REV1: variants seen among roughly 807,000 people sequenced by gnomAD.
REV1 encodes translesion synthesis protein REV1.
In REV1, 42 loss-of-function variants were observed where a neutral mutation model predicts 137.4. The observed-to-expected ratio is 0.31, with a 90% confidence interval of 0.24 to 0.40. REV1 has a LOEUF of 0.40. REV1 is among the 10% of genes least tolerant of loss of function. The pLI is 1.00. For synonymous variants in REV1, 524 were observed against 519.2 expected (o/e 1.01, Z -0.12); for missense variants, 1,282 against 1,490.1 (o/e 0.86, Z 2.30).
chr2:99,457,804 T>A lies in REV1; in HGVS notation c.181+4692A>T, dbSNP rs182631425. On this transcript the variant is annotated intron_variant, in intron 3 of 22. Transcript: ENST00000258428. ...CTGATATCAAGGCTTACCACATAGG[T>A]ACAGTATTTGATATAGTGTGGTACT... is the stretch of plus-strand genomic sequence containing the variant. Among the ~76,000 whole-genome samples the A allele has an allele frequency of 3.3e-5, 5 of 151,926 alleles. No homozygotes were observed. The East Asian group carries it at 9.7e-4, about 29-fold the overall frequency.
intron 10 of REV1, 123 bp from the exon 11 acceptor site, chr2:99,421,776 T>G: frequency 9.6e-7 from 1 of 1,046,454 alleles, no homozygotes; most frequent in Non-Finnish European, 1.3e-6. Flanking sequence ...TTTAAATGAA[T>G]TGGCTGAAGT....
Position 99,408,136 on chromosome 2 carries a change from A to G in REV1, c.2346-5T>C. On this transcript the variant is annotated splice_polypyrimidine_tract_variant and splice_region_variant and intron_variant, in intron 14 of 22. Coordinates refer to ENST00000258428, the MANE Select transcript of REV1 (RefSeq NM_016316.4). The stretch of plus-strand genomic sequence containing the variant: ...GCCTGGTCAAGAGTTACAGTCCTGT[A>G]AGTGATAGAATTAAAAAACAAAAGC... 1 of 1,567,832 alleles carries G rather than the reference A, an allele frequency of 6.4e-7. No homozygotes were observed. The highest frequency in any genetic ancestry group is 8.7e-7 in the Non-Finnish European group (1 of 1,145,464).
intron 9 of REV1, among the ~76,000 whole-genome samples, chr2:99,425,758 C>T (rs1383549263): frequency 6.6e-6 from 1 of 152,114 alleles, no homozygotes; most frequent in African/African-American, 2.4e-5. Flanking sequence ...TTTATAAGGC[C>T]GGGCACAGTG....
At chr2:99,407,080 C>CTTTCTTTTTTTTTTTTTT (rs1676415061) in intron 15 of REV1, among the ~76,000 whole-genome samples, 1 of 60,026 alleles carries the variant, frequency 1.7e-5, no homozygotes, top group Admixed American at 3.2e-4. Context: ...TACAAAGGTT[C>CTTTCTTTTTTTTTTTTTT]TTTTTTTTTT....
intron 8 of REV1, among the ~76,000 whole-genome samples, chr2:99,430,198 T>C (rs1180471229): frequency 6.6e-6 from 1 of 152,012 alleles, no homozygotes; most frequent in Admixed American, 6.6e-5. Context: ...GTTTTTTTTT[T>C]AAATACACCA....
In REV1 at chr2:99,429,826, C is replaced by A; in HGVS notation, c.1547+14G>T. On this transcript the variant is annotated intron_variant, in intron 9 of 22. Transcript: ENST00000258428. The stretch of plus-strand genomic sequence containing the variant: ...ATTATTCATTAAGAATTGTAACACA[C>A]AACTTCTACATACCTGGCCTCATAA... 3.5e-6 allele frequency: 5 copies of A among 1,445,166 alleles called. No individual in the cohort carries two copies. Among genetic ancestry groups the A allele is most frequent in the African/African-American group, 1.4e-5 (1 of 69,188 alleles). 89.5% of individuals were successfully genotyped at this position (1,445,166 alleles called of 1,614,324 possible).
intron 1 of REV1, among the ~76,000 whole-genome samples, chr2:99,484,155 G>C (rs537994814): frequency 3.3e-5 from 5 of 152,226 alleles, no homozygotes; most frequent in Admixed American, 3.3e-4. Flanking sequence ...GTTCTCACTT[G>C]CAAGTGGCAG....
intron 1 of REV1, among the ~76,000 whole-genome samples, chr2:99,469,801 T>C (rs1685199260): frequency 6.6e-6 from 1 of 152,188 alleles, no homozygotes; most frequent in African/African-American, 2.4e-5. Context: ...TATTGGTAGA[T>C]TTTACTATCT....
Position 99,415,118 on chromosome 2 carries a change from G to T in REV1, c.1952-2167C>A, listed in dbSNP as rs558818732. Among the ~76,000 whole-genome samples, 5 of 152,264 alleles carry T rather than the reference G, an allele frequency of 3.3e-5. No individual in the cohort carries two copies. In the South Asian group the frequency reaches 1.0e-3, roughly 32 times the overall value. ...GGTGTACCTCCAACTCCTATTGAGT[G>T]GGGGTGGGAAAATTAAACTTGGAGC... On this transcript the variant is annotated intron_variant, in intron 12 of 22. Coordinates refer to ENST00000258428, the MANE Select transcript of REV1 (RefSeq NM_016316.4).
chr2:99,487,071 T>C (rs1361079041), intron 1 of REV1, among the ~76,000 whole-genome samples: 2 of 152,106 alleles, frequency 1.3e-5, no homozygotes, highest in Non-Finnish European at 1.5e-5. Context: ...AGACAAGACA[T>C]GAAGAGCCTT....
At chr2:99,456,842 T>C (rs1683588466) in intron 3 of REV1, among the ~76,000 whole-genome samples, 1 of 152,196 alleles carries the variant, frequency 6.6e-6, no homozygotes, top group South Asian at 2.1e-4. Flanking sequence ...GGAAGGAGTT[T>C]TTCCTCAGAG....
chr2:99,408,785 C>T (rs767270258), intron 14 of REV1, among the ~76,000 whole-genome samples: 3 of 152,222 alleles, frequency 2.0e-5, no homozygotes, highest in Non-Finnish European at 4.4e-5. Context: ...GAATTACTAA[C>T]TCAGTAACAG....
intron 1 of REV1, among the ~76,000 whole-genome samples, chr2:99,478,893 G>A (rs1686270280): frequency 6.6e-6 from 1 of 152,168 alleles, no homozygotes; most frequent in African/African-American, 2.4e-5. Flanking sequence ...TGTATCTATA[G>A]TGGTGATAAT....
chr2:99,445,973 A>G (rs982241578), intron 4 of REV1, among the ~76,000 whole-genome samples: 1 of 152,366 alleles, frequency 6.6e-6, no homozygotes, highest in Admixed American at 6.5e-5. Flanking sequence ...TAGCTAATAC[A>G]TGTTAAAATT....
chr2:99,452,421 T>A (rs1281074436), intron 3 of REV1, among the ~76,000 whole-genome samples: 56 of 125,392 alleles, frequency 4.5e-4, no homozygotes, highest in Admixed American at 5.0e-4. Context: ...AGAGCCTGTC[T>A]AAAAAAAAAA....
chr2:99,445,527 G>A (rs1682087059), intron 4 of REV1, among the ~76,000 whole-genome samples: 1 of 152,114 alleles, frequency 6.6e-6, no homozygotes, highest in African/African-American at 2.4e-5. Flanking sequence ...AGCAACTTAG[G>A]ACAATATTTT....
At chr2:99,413,726 C>T (rs952967914) in intron 12 of REV1, among the ~76,000 whole-genome samples, 2 of 152,148 alleles carry the variant, frequency 1.3e-5, no homozygotes, top group African/African-American at 2.4e-5. Flanking sequence ...GCCCTAAATG[C>T]TTTAAAAAGG....
Position 99,449,343 on chromosome 2 carries a change from C to A in REV1, c.343G>T (p.Val115Leu). Residue 115 changes from valine to leucine, a missense_variant, in exon 4 of 23, where the codon GTG becomes TTG. Val to Leu is a conservative substitution (Grantham distance 32, BLOSUM62 1). Transcript: ENST00000258428. ...TTAATAAATTAAACTTACCTTTCCA[C>A]AATCCATTCTGGTCGAATTACTTTT... ...GEKVIRPEWI[V>L]ESIKAGRLLS... is the part of the protein sequence containing the mutation. 6.6e-7 allele frequency: 1 copy of A among 1,513,758 alleles called. No homozygotes were observed. Among genetic ancestry groups the A allele is most frequent in the Admixed American group, 2.3e-5 (1 of 44,242 alleles). 93.8% of individuals were successfully genotyped at this position (1,513,758 alleles called of 1,614,324 possible).
intron 8 of REV1, among the ~76,000 whole-genome samples, chr2:99,430,939 C>T (rs781734260): frequency 2.6e-5 from 4 of 152,044 alleles, no homozygotes; most frequent in Non-Finnish European, 4.4e-5. Context: ...TAAAACAAAC[C>T]CAAAATATAT....
Sources: gnomAD v4.1 joint callset for allele counts (sites outside exome capture counted in the v4.1 genomes callset) on GRCh38, gnomAD v4.1.1 for gene constraint, MANE v1.5 for transcripts, NCBI Gene and HGNC (gene_info 2026-07-23, HGNC 2026-07-21) for gene names.